SRFBP1: variants seen among roughly 807,000 people sequenced by gnomAD.
SRFBP1 encodes serum response factor-binding protein 1.
A neutral mutation model predicts 45.5 loss-of-function variants in SRFBP1; 47 were observed. The ratio of observed to expected loss-of-function variants is 1.03; its 90% CI spans 0.82 to 1.32. SRFBP1 has a LOEUF of 1.32. Ranked by LOEUF, SRFBP1 falls within the 40% of genes most tolerant of loss-of-function variation. The pLI, the probability that SRFBP1 is intolerant of heterozygous loss-of-function variation, is 0.00. For missense variants in SRFBP1, 621 were observed against 484.6 expected, an observed-to-expected ratio of 1.28 and a Z score of -2.64; for synonymous variants, 203 against 166.3, an observed-to-expected ratio of 1.22 and a Z score of -1.70.
chr5:122,045,315 T>G (rs1753838153), intron 2 of SRFBP1, among the ~76,000 whole-genome samples: 2 of 152,236 alleles, frequency 1.3e-5, no homozygotes, highest in South Asian at 4.1e-4. Flanking sequence ...TTCTTTTTGT[T>G]TAAGATTGCC....
Position 121,975,296 on chromosome 5 carries a change from CGTAAT to C in SRFBP1, c.126-15_126-11del. On this transcript the variant is annotated splice_polypyrimidine_tract_variant and intron_variant, in intron 2 of 7. Coordinates refer to ENST00000339397, the MANE Select transcript of SRFBP1 (RefSeq NM_152546.3). ...ATTAATGCTTTGCCTGGCTACATAT[CGTAAT>C]GTATTTTTTGCAGGGGTACTGAAGA... is the stretch of plus-strand genomic sequence containing the variant. The C allele has an allele frequency of 6.2e-7, 1 of 1,610,360 alleles. No homozygotes were observed. The highest frequency in any genetic ancestry group is 8.5e-7 in the Non-Finnish European group (1 of 1,177,370).
intron 1 of SRFBP1, among the ~76,000 whole-genome samples, chr5:121,967,775 G>T (rs1752104387): frequency 6.6e-6 from 1 of 152,172 alleles, no homozygotes; most frequent in Non-Finnish European, 1.5e-5. Context: ...GGGGACGGAG[G>T]TTGTGATGAG....
intron 4 of SRFBP1, among the ~76,000 whole-genome samples, chr5:122,014,693 A>T (rs1753162425): frequency 6.6e-6 from 1 of 152,206 alleles, no homozygotes; most frequent in African/African-American, 2.4e-5. Context: ...TTAGTCTGGG[A>T]TATCTTCCAG....
At chr5:122,077,573 C>T, downstream of SRFBP1, 2 of 1,612,900 alleles carry the variant, frequency 1.2e-6, no homozygotes. This position sits in a 1 kb window ranked among gnomAD's most constrained non-coding sequence, Gnocchi z 4.9. Context: ...GCGCGAGGCG[C>T]CAGCTTCGCG....
chr5:122,053,040 T>C (rs530522611), intron 2 of SRFBP1, among the ~76,000 whole-genome samples: 2 of 152,228 alleles, frequency 1.3e-5, no homozygotes, highest in African/African-American at 4.8e-5. Flanking sequence ...GCTGTCTCCA[T>C]GCCCATGTTT....
At chr5:122,067,386 A>G (rs911911864) in intron 2 of SRFBP1, among the ~76,000 whole-genome samples, 11 of 152,100 alleles carry the variant, frequency 7.2e-5, no homozygotes, top group Admixed American at 3.3e-4. Flanking sequence ...TTCAGTGAGG[A>G]AAATGAAGGA....
At chr5:122,039,206 A>G (rs183907587) in intron 2 of SRFBP1, among the ~76,000 whole-genome samples, 3 of 152,192 alleles carry the variant, frequency 2.0e-5, no homozygotes, top group Admixed American at 1.3e-4. Context: ...ACTCATCCTA[A>G]TATGCTGGGC....
At chr5:122,006,176 T>C (rs570769757) in intron 4 of SRFBP1, among the ~76,000 whole-genome samples, 9 of 149,414 alleles carry the variant, frequency 6.0e-5, no homozygotes, top group Non-Finnish European at 1.3e-4. Context: ...GTATTCTTCA[T>C]TGGCATTTTT....
chr5:121,989,979 C>G (rs1752588626), intron 3 of SRFBP1, among the ~76,000 whole-genome samples: 1 of 152,010 alleles, frequency 6.6e-6, no homozygotes, highest in Non-Finnish European at 1.5e-5. Flanking sequence ...TGAATTTTTT[C>G]CTAATAAGAG....
At chr5:122,014,684 T>A (rs903752159) in intron 4 of SRFBP1, among the ~76,000 whole-genome samples, 1 of 152,198 alleles carries the variant, frequency 6.6e-6, no homozygotes, top group Non-Finnish European at 1.5e-5. Flanking sequence ...AAATCAGCGT[T>A]AGTCTGGGAT....
At chr5:122,076,318 C>T (rs1383901059), downstream of SRFBP1, among the ~76,000 whole-genome samples, 1 of 152,062 alleles carries the variant, frequency 6.6e-6, no homozygotes, top group East Asian at 1.9e-4. Context: ...CTGCTGTTTC[C>T]CAGCAGTAAA....
Position 122,027,065 on chromosome 5 carries a change from GA to G in SRFBP1, c.1233del (p.Glu412AsnfsTer20). 2 of 1,612,134 alleles carry G rather than the reference GA, an allele frequency of 1.2e-6. No homozygotes were observed. The highest frequency in any genetic ancestry group is 1.7e-6 in the Non-Finnish European group (2 of 1,179,386). On this transcript the variant is annotated frameshift_variant, in exon 8 of 8. Coordinates refer to ENST00000339397, the MANE Select transcript of SRFBP1 (RefSeq NM_152546.3). LOFTEE classifies it high-confidence loss of function. ...LHPSWEASRRRKEQQSNIAVF... is the reference protein window; with the variant it reads ...LHPSWEASRRXKEQQSNIAVF... ...CCTTCATGGGAAGCAAGCAGAAGGC[GA>G]AAAGAACAGCAATCTAATATTGCTG...
At chr5:121,984,526 A>G (rs1752476737) in intron 3 of SRFBP1, among the ~76,000 whole-genome samples, 1 of 151,838 alleles carries the variant, frequency 6.6e-6, no homozygotes, top group African/African-American at 2.4e-5. Context: ...CATGTTTCAA[A>G]TATAAATGGG....
intron 2 of SRFBP1, among the ~76,000 whole-genome samples, chr5:122,048,457 T>C (rs1045322254): frequency 1.3e-5 from 2 of 152,230 alleles, no homozygotes; most frequent in African/African-American, 2.4e-5. Context: ...CAATATTTTA[T>C]TGAGGATTTT....
intron 2 of SRFBP1, among the ~76,000 whole-genome samples, chr5:122,058,283 T>C (rs1388937370): frequency 1.3e-5 from 2 of 152,208 alleles, no homozygotes; most frequent in Non-Finnish European, 2.9e-5. Flanking sequence ...TTTCTAGTTA[T>C]AAACAAAATC....
intron 4 of SRFBP1, among the ~76,000 whole-genome samples, chr5:122,004,464 A>G (rs932467947): frequency 2.0e-5 from 3 of 152,060 alleles, no homozygotes; most frequent in East Asian, 1.9e-4. Flanking sequence ...AGGTGTCTCT[A>G]TTCTGTTCTT....
At chr5:122,051,454 A>G (rs934487504) in intron 2 of SRFBP1, among the ~76,000 whole-genome samples, 2 of 150,480 alleles carry the variant, frequency 1.3e-5, no homozygotes, top group Non-Finnish European at 3.0e-5. Flanking sequence ...CTCCCTATAT[A>G]TTTAGGATAG....
intron 2 of SRFBP1, chr5:122,065,875 C>G (rs575816061): frequency 6.6e-6 from 1 of 151,952 alleles, no homozygotes; most frequent in Non-Finnish European, 1.5e-5. Context: ...TGCATTTTAC[C>G]TCTGGATGTA....
At position 122,011,399 on chromosome 5, in the gene SRFBP1, T is replaced by A. The variant is rs146666853; in HGVS notation, c.271-7861T>A. ...TTTCCATGGCAAACATTATGTCAAC[T>A]TTAAATAAGGAAAGCTGTGGTTTCC... On this transcript the variant is annotated intron_variant, in intron 4 of 7. Coordinates refer to ENST00000339397, the MANE Select transcript of SRFBP1 (RefSeq NM_152546.3). Among the ~76,000 whole-genome samples the A allele has an allele frequency of 1.0e-3, 157 of 152,194 alleles. 2 individuals carry two copies. The highest frequency in any genetic ancestry group is 3.7e-3 in the African/African-American group (155 of 41,548).
Sources: allele counts gnomAD v4.1 joint callset (sites outside exome capture counted in the v4.1 genomes callset), GRCh38; gene constraint gnomAD v4.1.1; non-coding constraint Gnocchi (gnomAD v3.1); transcripts MANE v1.5; gene names NCBI Gene and HGNC (gene_info 2026-07-23, HGNC 2026-07-21).